Variants in GDPD1 observed in about 807,000 individuals in gnomAD.
GDPD1 encodes lysophospholipase D GDPD1.
A neutral mutation model predicts 45.1 loss-of-function variants in GDPD1; 28 were observed. That is an observed-to-expected ratio of 0.62 (90% confidence interval 0.46 to 0.85). The LOEUF is 0.85. Among genes scored for constraint, GDPD1 ranks in the 40% least tolerant of loss-of-function variants. The pLI is 0.00. For synonymous variants in GDPD1, 139 were observed against 131.4 expected (o/e 1.06, Z -0.40); for missense variants, 256 against 364.8 (o/e 0.70, Z 2.43).
chr17:59,275,260 G>A lies in GDPD1; in HGVS notation c.*1487G>A, dbSNP rs2047473482. 3 of 1,378,750 alleles carry A rather than the reference G, an allele frequency of 2.2e-6. No individual in the cohort carries two copies. The highest frequency in any genetic ancestry group is 3.0e-6 in the Non-Finnish European group (3 of 1,004,608). The allele number at this position is 1,378,750 out of a possible 1,614,324, so 85.4% of individuals were successfully genotyped here. A position where few individuals can be genotyped will look rare whatever the true frequency, so the allele number is the denominator to read the frequency against. On this transcript the variant is annotated 3_prime_UTR_variant, in exon 10 of 10. Coordinates refer to ENST00000284116, the MANE Select transcript of GDPD1 (RefSeq NM_182569.4). Reference sequence around the variant, plus strand: ...AAAGCTTGGAAATCAGTGATGTGTAGTTATTTGGCAAGTTATACATAATCA... The same window carrying A: ...AAAGCTTGGAAATCAGTGATGTGTAATTATTTGGCAAGTTATACATAATCA...
At chr17:59,229,685 T>A (rs1032061576) in intron 1 of GDPD1, among the ~76,000 whole-genome samples, 12 of 151,882 alleles carry the variant, frequency 7.9e-5, no homozygotes, top group South Asian at 4.1e-4. Context: ...AAAAGAAAAA[T>A]ATATATATAA....
chr17:59,262,629 G>GTTTTTTT lies in GDPD1; in HGVS notation c.577-4409_577-4403dup, dbSNP rs144444466. On this transcript the variant is annotated intron_variant, in intron 6 of 9. Coordinates refer to ENST00000284116, the MANE Select transcript of GDPD1 (RefSeq NM_182569.4). ...TGAAACGGCTTTGTATCTTGGTTTT[G>GTTTTTTT]TTTTTTTTTGTTTTTTTTTTTTGAG... is the stretch of plus-strand genomic sequence containing the variant. Among the ~76,000 whole-genome samples the GTTTTTTT allele has an allele frequency of 4.6e-5, 6 of 131,190 alleles. 1 individual carries two copies. Among genetic ancestry groups the GTTTTTTT allele is most frequent in the East Asian group, 4.9e-4 (2 of 4,068 alleles). The allele number at this position is 131,190 out of a possible 152,430, so 86.1% of individuals were successfully genotyped here. A position where few individuals can be genotyped will look rare whatever the true frequency, so the allele number is the denominator to read the frequency against.
intron 8 of GDPD1, among the ~76,000 whole-genome samples, chr17:59,271,440 G>A (rs1410961752): frequency 1.3e-5 from 2 of 151,976 alleles, no homozygotes; most frequent in Admixed American, 6.6e-5. Context: ...CCTATAGAGT[G>A]GATATCAACT....
intron 1 of GDPD1, among the ~76,000 whole-genome samples, chr17:59,226,085 A>C (rs1272628192): frequency 6.6e-6 from 1 of 152,114 alleles, no homozygotes; most frequent in African/African-American, 2.4e-5. Flanking sequence ...TGATGCTAGC[A>C]CTGTCCCAGA....
chr17:59,259,242 G>A (rs932109150), intron 6 of GDPD1, among the ~76,000 whole-genome samples: 1 of 149,682 alleles, frequency 6.7e-6, no homozygotes. Flanking sequence ...CCAGCCTGGC[G>A]AACATGGCAA....
intron 6 of GDPD1, among the ~76,000 whole-genome samples, chr17:59,263,173 A>C (rs922740276): frequency 2.6e-5 from 4 of 152,108 alleles, no homozygotes; most frequent in Admixed American, 2.6e-4. Flanking sequence ...ACTATACTAC[A>C]GGTATGTACC....
intron 6 of GDPD1, among the ~76,000 whole-genome samples, chr17:59,259,358 G>A (rs546232833): frequency 6.6e-6 from 1 of 151,706 alleles, no homozygotes; most frequent in East Asian, 2.0e-4. Flanking sequence ...ACGAGGTTGG[G>A]AGATTGAGAC....
intron 8 of GDPD1, 52 bp downstream of exon 8, chr17:59,271,047 T>A: frequency 9.4e-7 from 1 of 1,065,880 alleles, no homozygotes; most frequent in South Asian, 1.4e-5. Flanking sequence ...CTATATTTAT[T>A]AAATACTACC....
chr17:59,232,825 C>T (rs1205071673), intron 1 of GDPD1, among the ~76,000 whole-genome samples: 1 of 152,100 alleles, frequency 6.6e-6, no homozygotes, highest in African/African-American at 2.4e-5. Flanking sequence ...CAGAATTCCC[C>T]CTCACTCCTA....
At chr17:59,271,628 AT>A (rs2047444981) in intron 8 of GDPD1, among the ~76,000 whole-genome samples, 1 of 150,072 alleles carries the variant, frequency 6.7e-6, no homozygotes, top group Non-Finnish European at 1.5e-5. Flanking sequence ...ATTTTATTTT[AT>A]TTTATTTTAT....
At chr17:59,245,356 G>A (rs982408251) in intron 2 of GDPD1, 58 bp from the exon 3 acceptor site, 6 of 1,420,280 alleles carry the variant, frequency 4.2e-6, no homozygotes, top group Non-Finnish European at 3.9e-6. Context: ...TAGATCTCAT[G>A]CATGTAACCC....
chr17:59,255,921 G>T (rs1443090855), intron 4 of GDPD1, among the ~76,000 whole-genome samples: 1 of 145,194 alleles, frequency 6.9e-6, no homozygotes, highest in Non-Finnish European at 1.5e-5. Context: ...GGTGGTGCAT[G>T]CCTGTAGTGC....
At chr17:59,231,324 CTTTTT>C (rs557850341) in intron 1 of GDPD1, among the ~76,000 whole-genome samples, 1 of 114,420 alleles carries the variant, frequency 8.7e-6, no homozygotes, top group Admixed American at 1.0e-4. Flanking sequence ...TTCTTTCTTT[CTTTTT>C]TTTTTTTTTT....
intron 4 of GDPD1, among the ~76,000 whole-genome samples, chr17:59,254,953 T>A (rs1167437707): frequency 6.6e-6 from 1 of 152,178 alleles, no homozygotes; most frequent in African/African-American, 2.4e-5. Context: ...TAGTCTGTGG[T>A]CAGAGAGGCA....
chr17:59,254,463 A>C (rs942839052), intron 4 of GDPD1, among the ~76,000 whole-genome samples: 11 of 151,892 alleles, frequency 7.2e-5, no homozygotes, highest in African/African-American at 2.7e-4. Flanking sequence ...TGAGGAGTTC[A>C]AGGCTGCTGT....
rs1055496670 is a variant in GDPD1, at chr17:59,250,042, T to C, written c.367+1257T>C. Among the ~76,000 whole-genome samples, 12 of 151,740 alleles carry C rather than the reference T, an allele frequency of 7.9e-5. No homozygotes were observed. In the South Asian group the frequency reaches 2.5e-3, roughly 32 times the overall value. On this transcript the variant is annotated intron_variant, in intron 4 of 9. Transcript: ENST00000284116. ...TCTTAAAAAAAAAAAAATTGACCAC[T>C]GATAGGGGAATTTTTGAAAATGAAA...
At chr17:59,223,937 T>TG (rs1228639348) in intron 1 of GDPD1, among the ~76,000 whole-genome samples, 2 of 152,110 alleles carry the variant, frequency 1.3e-5, no homozygotes, top group Non-Finnish European at 2.9e-5. Context: ...GAATCACAGA[T>TG]GGACAGATGG....
chr17:59,220,838 C>A, intron 1 of GDPD1, 87 bp downstream of exon 1: 2 of 1,447,442 alleles, frequency 1.4e-6, no homozygotes, highest in Non-Finnish European at 1.9e-6. Flanking sequence ...GGGTGCCAAT[C>A]CCTGAGAGTT....
chr17:59,239,483 T>C (rs2047159030), intron 2 of GDPD1, among the ~76,000 whole-genome samples: 1 of 152,164 alleles, frequency 6.6e-6, no homozygotes, highest in African/African-American at 2.4e-5. Context: ...CATGTTGTTA[T>C]TCATGGAAAT....
Sources: allele counts gnomAD v4.1 joint callset (sites outside exome capture counted in the v4.1 genomes callset), GRCh38; gene constraint gnomAD v4.1.1; transcripts MANE v1.5; gene names NCBI Gene and HGNC (gene_info 2026-07-23, HGNC 2026-07-21).